Variants in RASGEF1B observed in about 807,000 individuals in gnomAD.
The protein encoded by RASGEF1B is RasGEF domain family member 1B.
In RASGEF1B, 30 loss-of-function variants were observed where a neutral mutation model predicts 65.7. The observed-to-expected ratio is 0.46, with a 90% confidence interval of 0.34 to 0.62. RASGEF1B has a LOEUF of 0.62. Among genes scored for constraint, RASGEF1B ranks in the 20% least tolerant of loss-of-function variants. The pLI is 0.01. For missense variants in RASGEF1B, 495 were observed against 580.1 expected (o/e 0.85, Z 1.51); for synonymous variants, 175 against 194.8 (o/e 0.90, Z 0.85).
chr4:81,434,933 A>G (rs1487075575), intron 10 of RASGEF1B, among the ~76,000 whole-genome samples, 199 bp from the exon 11 acceptor site: 2 of 152,320 alleles, frequency 1.3e-5, no homozygotes, highest in East Asian at 3.9e-4. Flanking sequence ...GCTATAACCA[A>G]AGCACAGCAA....
At chr4:81,433,038 C>T (rs1466763541) in intron 12 of RASGEF1B, among the ~76,000 whole-genome samples, 1 of 149,522 alleles carries the variant, frequency 6.7e-6, no homozygotes, top group African/African-American at 2.5e-5. Context: ...CACAGAAAAA[C>T]CCTGTCTCTA....
At chr4:81,453,429 G>A (rs545747547) in intron 4 of RASGEF1B, 26 of 152,194 alleles carry the variant, frequency 1.7e-4, no homozygotes, top group Admixed American at 6.5e-4. Context: ...AATAGCTAAC[G>A]CAACGTAAAT....
chr4:81,447,830 A>G (rs563778352), intron 5 of RASGEF1B, among the ~76,000 whole-genome samples: 3 of 152,298 alleles, frequency 2.0e-5, no homozygotes, highest in African/African-American at 7.2e-5. Context: ...AGGTGAGGAA[A>G]GTCAATAAAC....
intron 10 of RASGEF1B, among the ~76,000 whole-genome samples, chr4:81,439,331 T>A (rs920807594): frequency 1.3e-5 from 2 of 152,246 alleles, no homozygotes; most frequent in African/African-American, 4.8e-5. Context: ...GTACAATTTA[T>A]ATGTTCACAT....
intron 8 of RASGEF1B, 64 bp from the exon 9 acceptor site, chr4:81,442,440 T>C (rs926876054): frequency 2.2e-6 from 2 of 900,380 alleles, no homozygotes; most frequent in African/African-American, 3.3e-5. Flanking sequence ...AGAAAAACGA[T>C]AAACACATAC....
At chr4:81,449,692 C>T (rs1233214203) in intron 4 of RASGEF1B, among the ~76,000 whole-genome samples, 1 of 152,114 alleles carries the variant, frequency 6.6e-6, no homozygotes, top group African/African-American at 2.4e-5. Context: ...ATATCATTTG[C>T]TGAGATTAAT....
At chr4:81,455,493 C>T (rs1390941452) in intron 4 of RASGEF1B, 1 of 152,178 alleles carries the variant, frequency 6.6e-6, no homozygotes, top group Non-Finnish European at 1.5e-5. Flanking sequence ...TGAAAGAGTT[C>T]TCAAGGAAGG....
At chr4:81,447,891 A>C (rs998241295) in intron 5 of RASGEF1B, among the ~76,000 whole-genome samples, 178 bp downstream of exon 5, 2 of 152,168 alleles carry the variant, frequency 1.3e-5, no homozygotes, top group South Asian at 4.1e-4. Flanking sequence ...AATCCCCAGA[A>C]TATCAGAAGC....
intron 1 of RASGEF1B, among the ~76,000 whole-genome samples, chr4:81,466,529 G>A (rs931230078): frequency 4.6e-5 from 7 of 152,036 alleles, no homozygotes; most frequent in African/African-American, 1.7e-4. Flanking sequence ...GGAGGCTGAG[G>A]TGGGCAGATC....
At chr4:81,465,749 G>A (rs1321128784) in intron 1 of RASGEF1B, among the ~76,000 whole-genome samples, 8 of 152,182 alleles carry the variant, frequency 5.3e-5, no homozygotes, top group Non-Finnish European at 7.3e-5. Context: ...GGATAAGGTG[G>A]TTTCAGGTGA....
intron 6 of RASGEF1B, 39 bp from the exon 7 acceptor site, chr4:81,445,877 A>G (rs767047474): frequency 9.5e-6 from 14 of 1,475,790 alleles, no homozygotes; most frequent in Non-Finnish European, 1.2e-5. Flanking sequence ...GTTAGAGGAA[A>G]AAAACAATGT....
At chr4:81,432,567 AC>A (rs1375513128) in intron 12 of RASGEF1B, among the ~76,000 whole-genome samples, 196 bp from the exon 13 acceptor site, 4 of 152,038 alleles carry the variant, frequency 2.6e-5, no homozygotes, top group African/African-American at 9.7e-5. Flanking sequence ...CTCAATGAAA[AC>A]CCAAGGGCTT....
chr4:81,432,831 A>T (rs1476184658), intron 12 of RASGEF1B, among the ~76,000 whole-genome samples: 2 of 152,008 alleles, frequency 1.3e-5, no homozygotes. Flanking sequence ...TTCCTTTTTA[A>T]ATCAGAAAGA....
intron 4 of RASGEF1B, chr4:81,456,407 C>T (rs1346682244): frequency 1.1e-5 from 7 of 623,764 alleles, no homozygotes; most frequent in Non-Finnish European, 2.0e-5. Flanking sequence ...AAATCCTGTG[C>T]ATGAGTTGAC....
intron 1 of RASGEF1B, among the ~76,000 whole-genome samples, chr4:81,466,770 A>AAAAAAAAAAGAAAGAAAGAAAG (rs748492254): frequency 2.8e-5 from 1 of 36,096 alleles, no homozygotes; most frequent in African/African-American, 9.5e-5. Flanking sequence ...AAAAAAAAAA[A>AAAAAAAAAAGAAAGAAAGAAAG]AAAGAAAGAA....
At chr4:81,432,677 G>A (rs1721471388) in intron 12 of RASGEF1B, among the ~76,000 whole-genome samples, 1 of 150,080 alleles carries the variant, frequency 6.7e-6, no homozygotes, top group East Asian at 1.9e-4. Flanking sequence ...CAGACTTAAT[G>A]TTCTTTACAA....
rs1721519408 is a variant in RASGEF1B at position 81,433,877 on chromosome 4, C to T, written c.1287G>A (p.Leu429=). 9 of 1,614,076 alleles carry T rather than the reference C, an allele frequency of 5.6e-6. No individual in the cohort carries two copies. The East Asian group carries it at 2.0e-4, about 36-fold the overall frequency. The change falls in exon 12 of 14, where the codon TTG becomes TTA. Residue 429 remains leucine, a synonymous_variant. Coordinates refer to ENST00000264400, the MANE Select transcript of RASGEF1B (RefSeq NM_152545.3). ...ECPFERDRKI[L]QYLLTVPVFS... Reference sequence around the variant, plus strand: ...AGACTGGTACTGTGAGCAGATACTGCAAGATCTTCCGGTCCCTCTCAAATG... The same window carrying T: ...AGACTGGTACTGTGAGCAGATACTGTAAGATCTTCCGGTCCCTCTCAAATG...
intron 4 of RASGEF1B, chr4:81,455,971 G>C (rs1722428928): frequency 1.3e-5 from 2 of 152,674 alleles, no homozygotes; most frequent in South Asian, 2.1e-4. Flanking sequence ...ACACCATAAA[G>C]AGCAGTTTGT....
chr4:81,448,249 C>A lies in RASGEF1B; in HGVS notation c.474G>T (p.Gln158His), dbSNP rs1722114500. 1 of 1,613,118 alleles carries A rather than the reference C, an allele frequency of 6.2e-7. No individual in the cohort carries two copies. The part of the protein sequence containing the change: ...TYRKNVQQMM[Q>H]CLIRKLAALS... ...GCGCAGCAAGCTTGCGGATCAGACA[C>A]TGCATCATTTGCTGGACATTCTTTC... The change falls in exon 5 of 14, where the codon CAG becomes CAT. Residue 158 changes from glutamine to histidine, a missense_variant. Transcript: ENST00000264400.
Sources: allele counts gnomAD v4.1 joint callset (sites outside exome capture counted in the v4.1 genomes callset), GRCh38; gene constraint gnomAD v4.1.1; transcripts MANE v1.5; gene names NCBI Gene and HGNC (gene_info 2026-07-23, HGNC 2026-07-21).